The following WWOX variants were observed in gnomAD, a reference collection of about 807,000 sequenced individuals.
The protein encoded by WWOX is WW domain-containing oxidoreductase.
In WWOX, 69 loss-of-function variants were observed where a neutral mutation model predicts 46.2. That is an observed-to-expected ratio of 1.49 (90% CI 1.23 to 1.82). The LOEUF (loss-of-function observed/expected upper bound fraction) is 1.82, where lower values mean the gene tolerates loss of function less well. Ranked by LOEUF, WWOX falls within the 40% of genes most tolerant of loss-of-function variation. WWOX has a pLI of 0.00. For synonymous variants in WWOX, 359 were observed against 202.6 expected (o/e 1.77, Z -6.56); for missense variants, 919 against 542.6 (o/e 1.69, Z -6.89).
chr16:78,164,137 G>T (rs1439379697), intron 4 of WWOX, 46 bp from the exon 5 acceptor site: 5 of 1,537,254 alleles, frequency 3.3e-6, no homozygotes, highest in Non-Finnish European at 3.6e-6. Context: ...ATGACTCACT[G>T]TGTTGATGTT....
intron 8 of WWOX, among the ~76,000 whole-genome samples, chr16:78,774,540 G>C (rs966515799): frequency 6.6e-6 from 1 of 150,644 alleles, no homozygotes; most frequent in African/African-American, 2.4e-5. Context: ...GTGCGCGTGC[G>C]CACACGCATG....
At chr16:78,644,805 A>G (rs187615772) in intron 8 of WWOX, among the ~76,000 whole-genome samples, 41 of 152,332 alleles carry the variant, frequency 2.7e-4, no homozygotes, top group African/African-American at 9.6e-4. Flanking sequence ...TTTCGTGACT[A>G]TTATGAGTCA....
intron 8 of WWOX, among the ~76,000 whole-genome samples, chr16:78,757,323 C>T (rs1642040940): frequency 8.3e-6 from 1 of 120,106 alleles, no homozygotes; most frequent in African/African-American, 2.5e-5. Flanking sequence ...TTTCTTACCA[C>T]CTACCCCAGC....
chr16:79,166,540 C>G (rs2050598163), intron 8 of WWOX, among the ~76,000 whole-genome samples: 2 of 152,164 alleles, frequency 1.3e-5, no homozygotes, highest in South Asian at 4.1e-4. Flanking sequence ...TCAACATTTC[C>G]TAACAGCACA....
chr16:78,314,679 C>G (rs1203418302), intron 5 of WWOX, among the ~76,000 whole-genome samples: 1 of 143,822 alleles, frequency 7.0e-6, no homozygotes, highest in Admixed American at 7.0e-5. Flanking sequence ...CACACCCCAC[C>G]CTGCAGGGGT....
At chr16:78,829,558 T>G (rs1344895182) in intron 8 of WWOX, among the ~76,000 whole-genome samples, 1 of 152,182 alleles carries the variant, frequency 6.6e-6, no homozygotes, top group Admixed American at 6.5e-5. Context: ...CCTACAATTT[T>G]TTTTTTGCCT....
intron 8 of WWOX, among the ~76,000 whole-genome samples, chr16:78,628,720 T>A (rs2046364514): frequency 6.6e-6 from 1 of 152,176 alleles, no homozygotes; most frequent in South Asian, 2.1e-4. Context: ...ATTTCACTGT[T>A]TTAAATTCAG....
intron 8 of WWOX, among the ~76,000 whole-genome samples, chr16:78,676,160 G>A (rs2047594111): frequency 2.0e-5 from 3 of 151,884 alleles, no homozygotes; most frequent in African/African-American, 4.8e-5. Context: ...AAATTCCTGA[G>A]CGCCGTGTCT....
chr16:78,787,386 A>C (rs567046855), intron 8 of WWOX, among the ~76,000 whole-genome samples: 9 of 152,172 alleles, frequency 5.9e-5, no homozygotes, highest in African/African-American at 1.4e-4. Flanking sequence ...AGATTTGACT[A>C]TTCTGGATAT....
At chr16:78,134,774 A>G (rs1362373628) in intron 4 of WWOX, among the ~76,000 whole-genome samples, 1 of 152,210 alleles carries the variant, frequency 6.6e-6, no homozygotes, top group Non-Finnish European at 1.5e-5. Context: ...TGTTAAGAGT[A>G]TAACGTTGGT....
chr16:78,891,396 G>C (rs761921333), intron 8 of WWOX: 3 of 152,128 alleles, frequency 2.0e-5, no homozygotes, highest in Non-Finnish European at 4.4e-5. Context: ...CCTGTTACCA[G>C]GGAATACAGA....
chr16:78,236,177 A>G (rs2037431083), intron 5 of WWOX, among the ~76,000 whole-genome samples: 1 of 152,150 alleles, frequency 6.6e-6, no homozygotes, highest in South Asian at 2.1e-4. Flanking sequence ...AATCTTTCTA[A>G]TCTCGTGATA....
chr16:78,744,422 CTTTTTTTT>C (rs976073233), intron 8 of WWOX, among the ~76,000 whole-genome samples: 41 of 82,240 alleles, frequency 5.0e-4, no homozygotes, highest in African/African-American at 1.8e-3. Flanking sequence ...GTCCACACTG[CTTTTTTTT>C]TTTTTTTTTT....
chr16:78,408,767 G>A (rs1444087477), intron 6 of WWOX, among the ~76,000 whole-genome samples: 1 of 152,182 alleles, frequency 6.6e-6, no homozygotes, highest in East Asian at 1.9e-4. Context: ...GAGAAAGGAA[G>A]AGTTTCCTGA....
chr16:78,387,001 C>G, intron 6 of WWOX, 53 bp downstream of exon 6: 3 of 1,541,524 alleles, frequency 1.9e-6, no homozygotes, highest in Non-Finnish European at 1.8e-6. Flanking sequence ...ATTGTAATAT[C>G]TTTATCAGAT....
chr16:78,632,128 G>A (rs1379339031), intron 8 of WWOX, among the ~76,000 whole-genome samples: 1 of 152,138 alleles, frequency 6.6e-6, no homozygotes, highest in African/African-American at 2.4e-5. Context: ...AAACACTTGA[G>A]ATCAAGAGTC....
At chr16:78,632,074 CTG>C (rs2046446260) in intron 8 of WWOX, among the ~76,000 whole-genome samples, 1 of 152,044 alleles carries the variant, frequency 6.6e-6, no homozygotes. Context: ...AATCCAGAAA[CTG>C]GAGACCAAAC....
chr16:78,947,374 T>TCCC (rs11371029), intron 8 of WWOX, among the ~76,000 whole-genome samples: 2 of 151,362 alleles, frequency 1.3e-5, no homozygotes, highest in African/African-American at 4.9e-5. Flanking sequence ...ATTTTTCTCT[T>TCCC]CCCCCCCTTA....
At chr16:79,100,174 T>G (rs951566130) in intron 8 of WWOX, among the ~76,000 whole-genome samples, 8 of 152,122 alleles carry the variant, frequency 5.3e-5, no homozygotes, top group African/African-American at 1.9e-4. Flanking sequence ...ACTGGATAAC[T>G]GGAAACTATA....
Sources: gnomAD v4.1 joint callset for allele counts (sites outside exome capture counted in the v4.1 genomes callset) on GRCh38, gnomAD v4.1.1 for gene constraint, MANE v1.5 for transcripts, NCBI Gene and HGNC (gene_info 2026-07-23, HGNC 2026-07-21) for gene names.